NXPE2: variants seen among roughly 807,000 people sequenced by gnomAD.
The protein encoded by NXPE2 is NXPE family member 2.
Under a neutral mutation model 34.4 loss-of-function variants are expected in NXPE2, and 34 were observed. The observed-to-expected ratio is 0.99, with a 90% CI of 0.75 to 1.31. The LOEUF (loss-of-function observed/expected upper bound fraction) is 1.31. Among genes scored for constraint, NXPE2 ranks in the 40% most tolerant of loss-of-function variants. The pLI, the probability that NXPE2 is intolerant of heterozygous loss-of-function variation, is 0.00. For synonymous variants in NXPE2, 235 were observed against 231.3 expected (o/e 1.02, Z -0.15); for missense variants, 649 against 672.5 (o/e 0.97, Z 0.39).
At chr11:114,718,355 C>T in the NXPE2 span, among the ~76,000 whole-genome samples, 49 of 152,246 alleles carry the variant, frequency 3.2e-4, no homozygotes, top group Admixed American at 6.5e-4. Flanking sequence ...ATAATATAAG[C>T]TATTATTATC....
At chr11:114,751,019 T>C in the NXPE2 span, among the ~76,000 whole-genome samples, 278 of 152,312 alleles carry the variant, frequency 1.8e-3, no homozygotes, top group African/African-American at 6.4e-3. Flanking sequence ...CTGTTTTGCA[T>C]AGTCACTCAG....
At chr11:114,565,290 T>TA in the NXPE2 span, among the ~76,000 whole-genome samples, 3,036 of 152,322 alleles carry the variant, frequency 0.02, 89 homozygotes, top group African/African-American at 0.066. Flanking sequence ...GTGTCTTTAT[T>TA]GTAGGCCATG....
chr11:114,751,008 C>G, the NXPE2 span, among the ~76,000 whole-genome samples: 1 of 152,068 alleles, frequency 6.6e-6, no homozygotes, highest in East Asian at 1.9e-4. Flanking sequence ...GAGTGAAGGT[C>G]CTGTTTTGCA....
At chr11:114,512,809 C>A in the NXPE2 span, 2 of 186,270 alleles carry the variant, frequency 1.1e-5, no homozygotes, top group Admixed American at 5.9e-5. Flanking sequence ...CAGGGCCTCT[C>A]AGGGAACACG....
chr11:114,545,687 G>A, the NXPE2 span, among the ~76,000 whole-genome samples: 4 of 151,496 alleles, frequency 2.6e-5, no homozygotes, highest in Admixed American at 2.6e-4. Flanking sequence ...CACAAAGAGT[G>A]GATCTTTTTT....
the NXPE2 span, among the ~76,000 whole-genome samples, chr11:114,480,707 T>G: frequency 6.6e-6 from 1 of 152,214 alleles, no homozygotes; most frequent in African/African-American, 2.4e-5. Context: ...CGACCGTTGG[T>G]TAAAGTATTC....
At chr11:114,707,774 A>G (rs572983242), downstream of NXPE2, among the ~76,000 whole-genome samples, 45 of 152,332 alleles carry the variant, frequency 3.0e-4, no homozygotes, top group Non-Finnish European at 5.4e-4. Context: ...GGTAGCTCAT[A>G]TAAGTGGGAA....
the NXPE2 span, among the ~76,000 whole-genome samples, chr11:114,545,545 G>T: frequency 2.0e-5 from 3 of 152,152 alleles, no homozygotes; most frequent in African/African-American, 7.2e-5. Flanking sequence ...ACCAATCAAT[G>T]GTTGCCAGAG....
the NXPE2 span, among the ~76,000 whole-genome samples, chr11:114,629,128 T>C: frequency 5.3e-5 from 8 of 152,058 alleles, no homozygotes; most frequent in South Asian, 2.1e-4. Flanking sequence ...TCTGAAACTA[T>C]TCCAATCAAT....
At chr11:114,558,072 C>A in the NXPE2 span, among the ~76,000 whole-genome samples, 1 of 152,004 alleles carries the variant, frequency 6.6e-6, no homozygotes, top group Admixed American at 6.6e-5. Context: ...CTTAACAGAT[C>A]AAATATAACA....
At chr11:114,551,002 G>T in the NXPE2 span, 1 of 645,642 alleles carries the variant, frequency 1.5e-6, no homozygotes, top group Non-Finnish European at 2.8e-6. Flanking sequence ...TAGTTGAGGT[G>T]GGGGAGGAGG....
the NXPE2 span, among the ~76,000 whole-genome samples, chr11:114,498,137 T>C: frequency 6.6e-6 from 1 of 152,122 alleles, no homozygotes; most frequent in Non-Finnish European, 1.5e-5. Flanking sequence ...TCTATATTGC[T>C]GATTTTTGTA....
the NXPE2 span, among the ~76,000 whole-genome samples, chr11:114,725,993 A>ATATATATATATATAT: frequency 3.9e-5 from 5 of 127,382 alleles, no homozygotes; most frequent in African/African-American, 5.4e-5. Flanking sequence ...ATATATATAT[A>ATATATATATATATAT]AAAAGAAAAA....
chr11:114,658,527 G>A, the NXPE2 span, among the ~76,000 whole-genome samples: 1 of 152,108 alleles, frequency 6.6e-6, no homozygotes, highest in African/African-American at 2.4e-5. Context: ...GCCTCAAAGG[G>A]AAAGACATAA....
the NXPE2 span, among the ~76,000 whole-genome samples, chr11:114,588,939 C>A: frequency 0.012 from 1,894 of 152,184 alleles, 40 homozygotes; most frequent in African/African-American, 0.043. Flanking sequence ...TTTTGGAGAA[C>A]CTCCTGAGGG....
chr11:114,633,510 T>C, the NXPE2 span, among the ~76,000 whole-genome samples: 1 of 151,192 alleles, frequency 6.6e-6, no homozygotes, highest in East Asian at 1.9e-4. Context: ...ATGTGCACAA[T>C]GTGCAGGTTA....
the NXPE2 span, among the ~76,000 whole-genome samples, chr11:114,757,463 T>C: frequency 7.9e-5 from 12 of 152,168 alleles, no homozygotes; most frequent in Non-Finnish European, 1.8e-4. Flanking sequence ...TTACCTCTTT[T>C]TCTCTCAGTG....
chr11:114,695,503 G>A (rs1217060781), intron 2 of NXPE2, among the ~76,000 whole-genome samples: 1 of 152,122 alleles, frequency 6.6e-6, no homozygotes, highest in African/African-American at 2.4e-5. Context: ...ACCCAACTTG[G>A]TTAGGCTCTA....
At chr11:114,780,333 G>T in the NXPE2 span, among the ~76,000 whole-genome samples, 1 of 152,184 alleles carries the variant, frequency 6.6e-6, no homozygotes, top group African/African-American at 2.4e-5. Flanking sequence ...GGAGGCCTCG[G>T]CTGCCTGTGT....
Sources: gnomAD v4.1 joint callset for allele counts (sites outside exome capture counted in the v4.1 genomes callset) on GRCh38, gnomAD v4.1.1 for gene constraint, MANE v1.5 for transcripts, NCBI Gene and HGNC (gene_info 2026-07-23, HGNC 2026-07-21) for gene names.